Variants in IQCK observed in about 807,000 individuals in gnomAD.
The protein encoded by IQCK is IQ motif containing K.
A neutral mutation model predicts 28.1 loss-of-function variants in IQCK; 29 were observed. The observed-to-expected ratio is 1.03, with a 90% CI of 0.77 to 1.41. The LOEUF (loss-of-function observed/expected upper bound fraction) is 1.41, where lower values mean the gene tolerates loss of function less well. IQCK is among the 40% of genes most tolerant of loss of function. The pLI, the probability that IQCK is intolerant of heterozygous loss-of-function variation, is 0.00. For missense variants in IQCK, 359 were observed against 314.7 expected (o/e 1.14, Z -1.07); for synonymous variants, 113 against 115.1 (o/e 0.98, Z 0.12).
At chr16:19,858,377 T>C in exon 10 of IQCK, 1 of 489,970 alleles carries the variant, frequency 2.0e-6, no homozygotes, top group Non-Finnish European at 3.6e-6. Context: ...GATGGCTCTG[T>C]TCTTATGCTG....
At chr16:19,828,806 G>A (rs1040882359), downstream of IQCK, among the ~76,000 whole-genome samples, 7 of 146,868 alleles carry the variant, frequency 4.8e-5, no homozygotes, top group Non-Finnish European at 8.9e-5. Flanking sequence ...AGCCGAGATC[G>A]TGCTACTGCA....
At chr16:19,776,894 A>G (rs546573875) in intron 6 of IQCK, among the ~76,000 whole-genome samples, 1 of 152,232 alleles carries the variant, frequency 6.6e-6, no homozygotes, top group Admixed American at 6.5e-5. Context: ...CAACCAGCCA[A>G]TCAGAGGCAA....
rs1319064759 is a variant in IQCK, at chr16:19,814,235, A to AC, written c.691-12791_691-12790insC. On this transcript the variant is annotated intron_variant, in intron 7 of 7. Transcript: ENST00000564186. The stretch of plus-strand genomic sequence containing the variant: ...AACTCTATCTCAAAAAAAAAAAAAA[A>AC]AAAAAAAAAAACCACAAAAATTGGC... 1.4e-3 allele frequency among the ~76,000 whole-genome samples: 203 copies of AC among 148,310 alleles called. 3 individuals are homozygous for AC. The highest frequency in any genetic ancestry group is 6.9e-3 in the Middle Eastern group (2 of 290).
downstream of IQCK, among the ~76,000 whole-genome samples, chr16:19,828,984 A>C (rs1167371389): frequency 6.9e-6 from 1 of 144,302 alleles, no homozygotes; most frequent in Admixed American, 7.2e-5. Context: ...ATAATTATAT[A>C]TATAATTAAA....
intron 4 of IQCK, among the ~76,000 whole-genome samples, chr16:19,750,253 A>G (rs1356532649): frequency 3.3e-5 from 5 of 151,772 alleles, no homozygotes; most frequent in South Asian, 2.1e-4. Flanking sequence ...CAGCCTCCCA[A>G]GTAGCTAGGA....
intron 7 of IQCK, among the ~76,000 whole-genome samples, chr16:19,809,823 T>G (rs1197053795): frequency 6.6e-6 from 1 of 150,410 alleles, no homozygotes; most frequent in Non-Finnish European, 1.5e-5. Context: ...TCAGTAGGAG[T>G]GGAGTGGGGC....
chr16:19,727,080 G>A (rs529437051), intron 1 of IQCK, among the ~76,000 whole-genome samples: 4 of 150,576 alleles, frequency 2.7e-5, no homozygotes, highest in African/African-American at 9.8e-5. Context: ...ATAGTAAGCC[G>A]AGATCATACC....
rs1464459060 is a variant in IQCK, at chr16:19,856,906, C to A, written c.*358C>A. 7 of 198,226 alleles carry A rather than the reference C, an allele frequency of 3.5e-5. No homozygotes were observed. In the East Asian group the frequency reaches 9.5e-4, roughly 27 times the overall value. 12.3% of individuals were successfully genotyped at this position (198,226 alleles called of 1,614,324 possible). ...TACCAGTTTTCCCACTTGTGGCCGCCTTTGCAAAGATCCATATTCTAATTT... is the reference window on the plus strand; with the variant it reads ...TACCAGTTTTCCCACTTGTGGCCGCATTTGCAAAGATCCATATTCTAATTT... On this transcript the variant is annotated 3_prime_UTR_variant, in exon 10 of 10. Coordinates refer to the IQCK transcript ENST00000320394.
chr16:19,853,712 C>A (rs1486316237), intron 9 of IQCK, among the ~76,000 whole-genome samples: 1 of 152,116 alleles, frequency 6.6e-6, no homozygotes, highest in African/African-American at 2.4e-5. Flanking sequence ...GCTCACTGCA[C>A]CCTCTGCCTC....
At chr16:19,765,790 C>T (rs2055225785) in intron 6 of IQCK, among the ~76,000 whole-genome samples, 1 of 151,760 alleles carries the variant, frequency 6.6e-6, no homozygotes, top group Non-Finnish European at 1.5e-5. Flanking sequence ...ATGTATAGCC[C>T]AAAATTTATT....
intron 6 of IQCK, among the ~76,000 whole-genome samples, chr16:19,764,691 TC>T (rs1769542666): frequency 6.8e-6 from 1 of 147,038 alleles, no homozygotes; most frequent in Non-Finnish European, 1.5e-5. Flanking sequence ...TCCTTTAATT[TC>T]TTTTTTTTTT....
At chr16:19,858,195 AG>A (rs1567205325) in exon 10 of IQCK, 2 of 296,548 alleles carry the variant, frequency 6.7e-6, no homozygotes. Flanking sequence ...CATTAGAAAA[AG>A]AACAGCTCTC....
At chr16:19,754,741 G>T (rs1000014203) in intron 4 of IQCK, among the ~76,000 whole-genome samples, 2 of 151,798 alleles carry the variant, frequency 1.3e-5, no homozygotes, top group Non-Finnish European at 2.9e-5. Flanking sequence ...AAGTACAAGG[G>T]CTTTGGTCAG....
intron 7 of IQCK, among the ~76,000 whole-genome samples, chr16:19,823,256 A>T (rs1177420507): frequency 3.3e-5 from 5 of 152,120 alleles, no homozygotes; most frequent in Non-Finnish European, 5.9e-5. Context: ...GCTTGGTGGC[A>T]TCCCCATGGT....
intron 9 of IQCK, among the ~76,000 whole-genome samples, chr16:19,836,052 A>G (rs1047219729): frequency 7.2e-5 from 11 of 152,232 alleles, no homozygotes; most frequent in Non-Finnish European, 1.6e-4. Context: ...GGATGATGTC[A>G]TCTTTGTGCT....
intron 4 of IQCK, among the ~76,000 whole-genome samples, chr16:19,744,508 C>G (rs1597511834): frequency 6.6e-6 from 1 of 152,138 alleles, no homozygotes; most frequent in Admixed American, 6.5e-5. Flanking sequence ...TTCCCTAATC[C>G]TTAATTTTTG....
chr16:19,853,303 A>C (rs925328498), intron 9 of IQCK, among the ~76,000 whole-genome samples: 1 of 152,128 alleles, frequency 6.6e-6, no homozygotes, highest in African/African-American at 2.4e-5. Context: ...TCAACTCGAG[A>C]TAACACCTCT....
chr16:19,808,005 AC>A (rs1018187534), intron 7 of IQCK, among the ~76,000 whole-genome samples: 16 of 152,102 alleles, frequency 1.1e-4, no homozygotes, highest in Non-Finnish European at 2.1e-4. Flanking sequence ...TTTTAAAAAA[AC>A]ATCCTTGAGC....
intron 1 of IQCK, among the ~76,000 whole-genome samples, chr16:19,721,944 A>C (rs565133954): frequency 2.2e-4 from 27 of 123,244 alleles, no homozygotes; most frequent in African/African-American, 1.5e-3. Flanking sequence ...TCATTGGTTC[A>C]TCACTTAATC....
Sources: gnomAD v4.1 joint callset for allele counts (sites outside exome capture counted in the v4.1 genomes callset) on GRCh38, gnomAD v4.1.1 for gene constraint, MANE v1.5 for transcripts, NCBI Gene and HGNC (gene_info 2026-07-23, HGNC 2026-07-21) for gene names.